The following DMD variants were observed in gnomAD, a reference collection of about 807,000 sequenced individuals.
The protein encoded by DMD is mutant dystrophin.
Under a neutral mutation model 330.1 loss-of-function variants are expected in DMD, and 63 were observed. The observed-to-expected ratio is 0.19, with a 90% confidence interval of 0.16 to 0.24. The LOEUF is 0.24. Among genes scored for constraint, DMD ranks in the 10% least tolerant of loss-of-function variants. The pLI is 1.00. For synonymous variants in DMD, 1,223 were observed against 959.8 expected, an observed-to-expected ratio of 1.27 and a Z score of -5.07; for missense variants, 3,344 against 2,684.1, an observed-to-expected ratio of 1.25 and a Z score of -5.43.
intron 7 of DMD, among the ~76,000 whole-genome samples, chrX:32,766,784 CAA>C (rs1313126955): frequency 2.4e-4 from 27 of 111,495 alleles, no homozygotes; most frequent in African/African-American, 8.1e-4. Flanking sequence ...GTTCTCTCCA[CAA>C]AAGTCTTTGA....
chrX:32,730,558 T>C (rs1412642618), intron 7 of DMD, among the ~76,000 whole-genome samples: 1 of 111,792 alleles, frequency 8.9e-6, no homozygotes, highest in Non-Finnish European at 1.9e-5. Context: ...GAATCACATT[T>C]TGGAAATAGT....
At chrX:32,199,757 G>T (rs1234869335) in intron 44 of DMD, among the ~76,000 whole-genome samples, 1 of 106,247 alleles carries the variant, frequency 9.4e-6, no homozygotes, top group African/African-American at 3.5e-5. Context: ...GGGACTATCA[G>T]CAAGCGCCAC....
At chrX:32,847,004 A>C (rs947534086) in intron 3 of DMD, among the ~76,000 whole-genome samples, 1 of 110,794 alleles carries the variant, frequency 9.0e-6, no homozygotes, top group African/African-American at 3.3e-5. Context: ...AGATTCCATC[A>C]AAATAAAAAA....
At chrX:31,812,850 A>G (rs2149394133) in intron 50 of DMD, among the ~76,000 whole-genome samples, 1 of 112,163 alleles carries the variant, frequency 8.9e-6, no homozygotes, top group East Asian at 2.8e-4. Flanking sequence ...TAAAATGGGA[A>G]TTGCAACATA....
At chrX:32,473,148 G>A (rs953702023) in intron 21 of DMD, among the ~76,000 whole-genome samples, 2 of 111,182 alleles carry the variant, frequency 1.8e-5, no homozygotes, top group African/African-American at 6.5e-5. Flanking sequence ...GCAGAGAACT[G>A]TAAACCATAA....
chrX:31,801,591 CA>C (rs754461196), intron 50 of DMD, among the ~76,000 whole-genome samples: 9,807 of 67,434 alleles, frequency 0.15, 525 homozygotes, highest in East Asian at 0.28. Context: ...CCCCCCCCCC[CA>C]ACACACACAC....
intron 2 of DMD, among the ~76,000 whole-genome samples, chrX:32,877,428 T>A (rs1199842911): frequency 8.9e-6 from 1 of 112,786 alleles, no homozygotes; most frequent in South Asian, 3.6e-4. Context: ...TTTGTTTATA[T>A]TAGAAAATAT....
intron 2 of DMD, among the ~76,000 whole-genome samples, chrX:32,924,547 A>C (rs1218506245): frequency 1.8e-5 from 2 of 111,297 alleles, no homozygotes; most frequent in East Asian, 5.6e-4. Context: ...ATAAAAAATA[A>C]ATATTAGCTA....
At chrX:32,792,894 G>C (rs998002469) in intron 7 of DMD, among the ~76,000 whole-genome samples, 12 of 111,967 alleles carry the variant, frequency 1.1e-4, no homozygotes, top group African/African-American at 3.9e-4. Context: ...CTCAGCATTA[G>C]ATCACTTAGA....
intron 44 of DMD, among the ~76,000 whole-genome samples, chrX:32,061,337 C>T (rs1359927265): frequency 9.0e-6 from 1 of 111,081 alleles, no homozygotes; most frequent in African/African-American, 3.3e-5. Context: ...CCAATTTCAC[C>T]TGCACACTGG....
intron 9 of DMD, among the ~76,000 whole-genome samples, chrX:32,648,304 T>C (rs1027556481): frequency 1.8e-5 from 2 of 111,918 alleles, no homozygotes; most frequent in African/African-American, 3.2e-5. Context: ...ATCCATCAAT[T>C]CAACTATATA....
At chrX:33,041,481 G>A (rs2094300367) in intron 1 of DMD, 1 of 1,204,567 alleles carries the variant, frequency 8.3e-7, no homozygotes, top group Admixed American at 2.2e-5. Context: ...ATGAAAAAGA[G>A]GCAAAACAAC....
intron 7 of DMD, among the ~76,000 whole-genome samples, chrX:32,804,758 C>T (rs1007989673): frequency 1.8e-5 from 2 of 112,077 alleles, no homozygotes; most frequent in East Asian, 2.9e-4. Flanking sequence ...CCCTCTGGGA[C>T]GAAGCTTCCA....
chrX:31,688,016 T>C (rs761281252), intron 52 of DMD, among the ~76,000 whole-genome samples: 12 of 111,259 alleles, frequency 1.1e-4, no homozygotes, highest in Non-Finnish European at 2.1e-4. Context: ...CCAATAACTC[T>C]TAGATTGACC....
chrX:32,921,575 G>C (rs1356851673), intron 2 of DMD, among the ~76,000 whole-genome samples: 1 of 111,497 alleles, frequency 9.0e-6, no homozygotes, highest in Non-Finnish European at 1.9e-5. Context: ...ATGTACAGCA[G>C]ATATCTGAAA....
intron 55 of DMD, among the ~76,000 whole-genome samples, chrX:31,582,317 T>G (rs2076379884): frequency 9.0e-6 from 1 of 111,165 alleles, no homozygotes; most frequent in Non-Finnish European, 1.9e-5. Flanking sequence ...GGACGTAAGG[T>G]GGATAATATC....
At chrX:32,014,327 A>ACAT (rs766200459) in intron 44 of DMD, among the ~76,000 whole-genome samples, 38,460 of 109,897 alleles carry the variant, frequency 0.35, 7,112 homozygotes, top group African/African-American at 0.71. Context: ...TCATTTCCAT[A>ACAT]ATACTTTAGG....
At chrX:32,898,713 T>C (rs1264539964) in intron 2 of DMD, among the ~76,000 whole-genome samples, 2 of 111,379 alleles carry the variant, frequency 1.8e-5, no homozygotes, top group Non-Finnish European at 3.8e-5. Context: ...CTTCTGCTAA[T>C]ATGCAATGAG....
At chrX:32,970,127 A>C (rs1361461416) in intron 2 of DMD, among the ~76,000 whole-genome samples, 1 of 94,499 alleles carries the variant, frequency 1.1e-5, no homozygotes, top group South Asian at 5.1e-4. Context: ...TTATGATCTC[A>C]ATGCTCATTC....
Sources: gnomAD v4.1 joint callset for allele counts (sites outside exome capture counted in the v4.1 genomes callset) on GRCh38, gnomAD v4.1.1 for gene constraint, MANE v1.5 for transcripts, NCBI Gene and HGNC (gene_info 2026-07-23, HGNC 2026-07-21) for gene names.